ZC3HAV1L: variants seen among roughly 807,000 people sequenced by gnomAD.
ZC3HAV1L encodes the protein ZC3HAV1 like.
ZC3HAV1L carries 23 observed loss-of-function variants against 28.2 expected under a neutral mutation model. The ratio of observed to expected loss-of-function variants is 0.82; its 90% CI spans 0.59 to 1.16. The LOEUF (loss-of-function observed/expected upper bound fraction) is 1.16. ZC3HAV1L is among the 50% of genes most tolerant of loss of function. The pLI, the probability that ZC3HAV1L is intolerant of heterozygous loss-of-function variation, is 0.00. For missense variants in ZC3HAV1L, 376 were observed against 387.7 expected (o/e 0.97, Z 0.25); for synonymous variants, 180 against 163.4 (o/e 1.10, Z -0.78).
At chr7:139,032,517 G>A (rs1167741470) in intron 2 of ZC3HAV1L, among the ~76,000 whole-genome samples, 5 of 141,094 alleles carry the variant, frequency 3.5e-5, no homozygotes, top group South Asian at 4.6e-4. Context: ...GGCGCCTGTC[G>A]GGAGGCTGAG....
intron 2 of ZC3HAV1L, among the ~76,000 whole-genome samples, chr7:139,031,738 T>C (rs1815538804): frequency 6.6e-6 from 1 of 151,754 alleles, no homozygotes; most frequent in Admixed American, 6.6e-5. Context: ...ACCCCATCTC[T>C]ACTCAAAATA....
In ZC3HAV1L at chr7:139,033,905, A is replaced by G. The variant is rs561896293; in HGVS notation, c.501+638T>C. 435 of 985,372 alleles carry G rather than the reference A, an allele frequency of 4.4e-4. 1 individual carries two copies. The highest frequency in any genetic ancestry group is 5.2e-4 in the Middle Eastern group (1 of 1,914). The allele number at this position is 985,372 out of a possible 1,614,324, so 61.0% of individuals were successfully genotyped here. On this transcript the variant is annotated intron_variant, in intron 2 of 4. Coordinates refer to ENST00000275766, the MANE Select transcript of ZC3HAV1L (RefSeq NM_080660.4). Reference sequence around the variant, plus strand: ...ACTGCTTGCATCTACTTTGGGCAACATGGTTGGTTGGAATGCCTCTGGCTC... The same window carrying G: ...ACTGCTTGCATCTACTTTGGGCAACGTGGTTGGTTGGAATGCCTCTGGCTC...
intron 3 of ZC3HAV1L, among the ~76,000 whole-genome samples, chr7:139,027,703 A>T (rs1380860900): frequency 6.6e-6 from 1 of 152,180 alleles, no homozygotes; most frequent in East Asian, 1.9e-4. Flanking sequence ...AATTACTGAA[A>T]GACTATGGGA....
downstream of ZC3HAV1L, among the ~76,000 whole-genome samples, chr7:139,022,964 G>C (rs992518885): frequency 1.1e-4 from 16 of 152,040 alleles, no homozygotes; most frequent in Non-Finnish European, 1.8e-4. Flanking sequence ...CACTTGAGGT[G>C]AGGAGTTCAA....
chr7:139,033,215 T>C (rs1815588927), intron 2 of ZC3HAV1L, among the ~76,000 whole-genome samples: 1 of 105,552 alleles, frequency 9.5e-6, no homozygotes, highest in Non-Finnish European at 2.2e-5. Flanking sequence ...AAAAAAACTA[T>C]ATAAGTCTGA....
In ZC3HAV1L at chr7:139,035,980, A is replaced by C. The variant is rs1472700780; in HGVS notation, c.38T>G (p.Val13Gly). Residue 13 changes from valine to glycine, a missense_variant, in exon 1 of 5, where the codon GTG (valine) becomes GGG (glycine). By Grantham distance (109) the Val-to-Gly change is moderately radical. Transcript: ENST00000275766. ...EPTVCSFLTK[V>G]LCAHGGRMFL... ...CATGCGGCCGCCGTGGGCGCACAGCACCTTGGTGAGGAAGGAGCACACTGT... is the reference window on the plus strand; with the variant it reads ...CATGCGGCCGCCGTGGGCGCACAGCCCCTTGGTGAGGAAGGAGCACACTGT... The C allele has an allele frequency of 1.3e-6, 2 of 1,525,384 alleles. No homozygotes were observed. Among genetic ancestry groups the C allele is most frequent in the Non-Finnish European group, 1.7e-6 (2 of 1,144,660 alleles). 94.5% of individuals were successfully genotyped at this position (1,525,384 alleles called of 1,614,324 possible). A position where few individuals can be genotyped will look rare whatever the true frequency, so the allele number is the denominator to read the frequency against.
chr7:139,034,845 T>G (rs2130639542), intron 1 of ZC3HAV1L, 167 bp from the exon 2 acceptor site: 1 of 985,280 alleles, frequency 1.0e-6, no homozygotes, highest in Non-Finnish European at 1.2e-6. Context: ...ATAAGAAAAT[T>G]GGGTTGAAGG....
At chr7:139,027,161 C>G (rs1023321204) in intron 3 of ZC3HAV1L, among the ~76,000 whole-genome samples, 1 of 152,044 alleles carries the variant, frequency 6.6e-6, no homozygotes, top group Non-Finnish European at 1.5e-5. Flanking sequence ...TATGCAGAGC[C>G]CTCCCTGTCT....
In ZC3HAV1L at chr7:139,035,876, G is replaced by C; in HGVS notation, c.142C>G (p.Arg48Gly). Residue 48 changes from arginine to glycine, a missense_variant, in exon 1 of 5, where the codon CGT becomes GGT. Transcript: ENST00000275766. ...RDVLQRAGPERFLLQEVETQE... is the reference protein window; with the variant it reads ...RDVLQRAGPEGFLLQEVETQE... ...GTCTCCACCTCCTGCAGCAGGAAAC[G>C]CTCGGGCCCGGCGCGCTGCAGCACG... 1 of 1,511,298 alleles carries C rather than the reference G, an allele frequency of 6.6e-7. No individual in the cohort carries two copies. The highest frequency in any genetic ancestry group is 8.8e-7 in the Non-Finnish European group (1 of 1,137,568). 93.6% of individuals were successfully genotyped at this position (1,511,298 alleles called of 1,614,324 possible).
intron 2 of ZC3HAV1L, among the ~76,000 whole-genome samples, chr7:139,029,233 C>G (rs1211295460): frequency 6.6e-6 from 1 of 152,186 alleles, no homozygotes; most frequent in African/African-American, 2.4e-5. Context: ...CAACTCCTCA[C>G]CTCAGGTGAT....
intron 1 of ZC3HAV1L, 59 bp from the exon 2 acceptor site, chr7:139,034,737 T>C: frequency 1.3e-6 from 2 of 1,592,634 alleles, no homozygotes; most frequent in Non-Finnish European, 1.7e-6. Context: ...TCTGTCCAAT[T>C]CCTTGCCTTG....
intron 2 of ZC3HAV1L, chr7:139,033,693 A>T: frequency 8.1e-6 from 8 of 983,574 alleles, no homozygotes; most frequent in Non-Finnish European, 9.7e-6. Context: ...AAAAGGGCAT[A>T]CCAAAAAAAC....
At chr7:139,035,399 G>C in intron 1 of ZC3HAV1L, 1 of 984,738 alleles carries the variant, frequency 1.0e-6, no homozygotes, top group African/African-American at 1.7e-5. Flanking sequence ...GATCCGGGGG[G>C]GCGGGCGGGG....
chr7:139,032,752 AAT>A (rs1246865089), intron 2 of ZC3HAV1L, among the ~76,000 whole-genome samples: 16 of 152,006 alleles, frequency 1.1e-4, no homozygotes, highest in Non-Finnish European at 2.9e-5. Flanking sequence ...CCCAAAAAAT[AAT>A]AGCCATGTAA....
intron 2 of ZC3HAV1L, 83 bp downstream of exon 2, chr7:139,034,460 T>C: frequency 1.3e-6 from 2 of 1,553,064 alleles, no homozygotes; most frequent in Non-Finnish European, 1.7e-6. Context: ...GCAATTAAAA[T>C]TAATATGTAA....
chr7:139,028,654 G>C (rs3735009), intron 3 of ZC3HAV1L, 48 bp downstream of exon 3: 60,337 of 1,583,496 alleles, frequency 0.038, 2,723 homozygotes, highest in African/African-American at 0.16. Context: ...GTGAAGCATC[G>C]CAAAACCATA....
At chr7:139,034,130 C>T (rs1433035638) in intron 2 of ZC3HAV1L, 1 of 985,308 alleles carries the variant, frequency 1.0e-6, no homozygotes, top group African/African-American at 1.7e-5. Context: ...ATCTTCCTTT[C>T]TAGACGCTGA....
Position 139,026,780 on chromosome 7 carries a change from G to GC in ZC3HAV1L, c.813dup (p.His272AlafsTer63), listed in dbSNP as rs768819203. 2.0e-5 allele frequency: 32 copies of GC among 1,614,068 alleles called. No individual in the cohort carries two copies. Among genetic ancestry groups the GC allele is most frequent in the Non-Finnish European group, 2.7e-5 (32 of 1,180,032 alleles). ...CCAGCTTCTGCAGCTCCAGCTGCGT[G>GC]CACTCCTTGCTTCTCAAGGCCTTGT... On this transcript the variant is annotated frameshift_variant, in exon 4 of 5. Transcript: ENST00000275766. LOFTEE classifies it high-confidence loss of function.
In ZC3HAV1L at chr7:139,034,711, G is replaced by A. The variant is rs547784231; in HGVS notation, c.366-33C>T. On this transcript the variant is annotated intron_variant, in intron 1 of 4. Transcript: ENST00000275766. Reference sequence around the variant, plus strand: ...AACAAAGCCCTCGGTCAGATGCCCAGGTGAAGAAGGACCAGTCTGTCCAAT... The same window carrying A: ...AACAAAGCCCTCGGTCAGATGCCCAAGTGAAGAAGGACCAGTCTGTCCAAT... 6 of 1,611,980 alleles carry A rather than the reference G, an allele frequency of 3.7e-6. No individual in the cohort carries two copies. In the East Asian group the frequency reaches 1.1e-4, roughly 30 times the overall value.
Sources: gnomAD v4.1 joint callset for allele counts (sites outside exome capture counted in the v4.1 genomes callset) on GRCh38, gnomAD v4.1.1 for gene constraint, MANE v1.5 for transcripts, NCBI Gene and HGNC (gene_info 2026-07-23, HGNC 2026-07-21) for gene names.